OTOP3: variants seen among roughly 807,000 people sequenced by gnomAD.
OTOP3 encodes the protein proton channel OTOP3.
A neutral mutation model predicts 50.8 loss-of-function variants in OTOP3; 41 were observed. That is an observed-to-expected ratio of 0.81 (90% CI 0.63 to 1.05). OTOP3 has a LOEUF of 1.05. Ranked by LOEUF, OTOP3 falls within the 50% of genes least tolerant of loss-of-function variation. The probability of loss-of-function intolerance (pLI) is 0.00; values close to 1 mark genes in which losing one functional copy is unlikely to be tolerated. For synonymous variants in OTOP3, 320 were observed against 324.4 expected (o/e 0.99, Z 0.14); for missense variants, 788 against 760.8 (o/e 1.04, Z -0.42).
At chr17:74,939,614 G>T (rs2039151154) in intron 1 of OTOP3, among the ~76,000 whole-genome samples, 1 of 152,154 alleles carries the variant, frequency 6.6e-6, no homozygotes, top group South Asian at 2.1e-4. Flanking sequence ...TTAGCAAGTG[G>T]TGACAAAGTG....
chr17:74,943,757 GAAAC>G (rs772246397), intron 5 of OTOP3, 33 bp downstream of exon 5: 2 of 1,293,670 alleles, frequency 1.5e-6, no homozygotes, highest in Non-Finnish European at 2.2e-6. Flanking sequence ...TCCTTGCCCT[GAAAC>G]ACACACACAC....
rs149116416 is a variant in OTOP3, at chr17:74,947,402, C to G, written c.1493C>G (p.Ser498Cys). The change falls in exon 6 of 7, where the codon TCC becomes TGC. Residue 498 changes from serine (S) to cysteine (C), a missense_variant. Coordinates refer to ENST00000328801, the MANE Select transcript of OTOP3 (RefSeq NM_001272005.2). The stretch of plus-strand genomic sequence containing the variant: ...CGGGCCTCACTGGCCTACATCCACT[C>G]CTACAGCCACCTCAACTGGAAGCGG... ...LQRASLAYIH[S>C]YSHLNWKRRA... 3.7e-6 allele frequency: 6 copies of G among 1,612,744 alleles called. No individual in the cohort carries two copies. The African/African-American group carries it at 8.0e-5, about 22-fold the overall frequency.
chr17:74,949,739 A>G lies in OTOP3; in HGVS notation c.*323A>G, dbSNP rs1401764774. ...CACGGCTACTCTGTGGGAGGGTCAG[A>G]CCTACATGACCGAGTCTGGGGAGCT... On this transcript the variant is annotated 3_prime_UTR_variant, in exon 7 of 7. Transcript: ENST00000328801. 4 of 289,624 alleles carry G rather than the reference A, an allele frequency of 1.4e-5. No homozygotes were observed. Among genetic ancestry groups the G allele is most frequent in the Non-Finnish European group, 2.6e-5 (4 of 155,088 alleles). 17.9% of individuals were successfully genotyped at this position (289,624 alleles called of 1,614,324 possible). A position where few individuals can be genotyped will look rare whatever the true frequency, so the allele number is the denominator to read the frequency against.
rs533820359 is a variant in OTOP3 at position 74,949,549 on chromosome 17, C to T, written c.*133C>T. 6.8e-5 allele frequency: 72 copies of T among 1,057,152 alleles called. No homozygotes were observed. The East Asian group carries it at 1.5e-3, about 23-fold the overall frequency. The allele number at this position is 1,057,152 out of a possible 1,614,324, so 65.5% of individuals were successfully genotyped here. On this transcript the variant is annotated 3_prime_UTR_variant, in exon 7 of 7. Transcript: ENST00000328801. Reference sequence around the variant, plus strand: ...CTCAAGGCCTCCTGCTCCCCAGAGCCTCACTGAAGGGGAGGGCACTGCCTA... The same window carrying T: ...CTCAAGGCCTCCTGCTCCCCAGAGCTTCACTGAAGGGGAGGGCACTGCCTA...
chr17:74,937,785 C>T (rs1009268652), intron 1 of OTOP3, among the ~76,000 whole-genome samples: 1 of 152,124 alleles, frequency 6.6e-6, no homozygotes, highest in Non-Finnish European at 1.5e-5. Flanking sequence ...GGAGGAGTTT[C>T]AGGACTTAAT....
At position 74,949,256 on chromosome 17, in the gene OTOP3, T is replaced by C; in HGVS notation, c.1577T>C (p.Met526Thr). 1 of 1,613,978 alleles carries C rather than the reference T, an allele frequency of 6.2e-7. No homozygotes were observed. The highest frequency in any genetic ancestry group is 1.7e-4 in the Middle Eastern group (1 of 6,058). The change falls in exon 7 of 7, where the codon ATG (methionine) becomes ACG (threonine). Residue 526 changes from methionine to threonine, a missense_variant. Transcript: ENST00000328801. ...LILCNITLWM[M>T]PAFGIHPEFE... ...CATCCTCTTCCCCAGCTGTGGATGA[T>C]GCCTGCATTTGGCATACACCCGGAG...
chr17:74,947,512 T>C (rs765845275), intron 6 of OTOP3, 37 bp downstream of exon 6: 2 of 1,523,992 alleles, frequency 1.3e-6, no homozygotes, highest in South Asian at 1.3e-5. Flanking sequence ...AGGGTAGAGG[T>C]GGCCAGGCAG....
rs1416410566 is a variant in OTOP3, at chr17:74,947,194, A to T, written c.1285A>T (p.Asn429Tyr). ...IVAKRPHELL[N>Y]RLILAYSLLL... is the part of the protein sequence containing the mutation. ...GGCCAAGCGCCCGCATGAGCTGCTC[A>T]ACCGCCTCATCCTGGCCTACTCGCT... Residue 429 changes from asparagine (N) to tyrosine (Y), a missense_variant, in exon 6 of 7, where the codon AAC becomes TAC. Physicochemically the swap from Asn to Tyr is moderately radical, Grantham distance 143. Transcript: ENST00000328801. 2 of 1,613,956 alleles carry T rather than the reference A, an allele frequency of 1.2e-6. No homozygotes were observed. Among genetic ancestry groups the T allele is most frequent in the South Asian group, 2.2e-5 (2 of 91,088 alleles).
At chr17:74,935,830 C>A (rs868024185), upstream of OTOP3, 4 of 1,524,236 alleles carry the variant, frequency 2.6e-6, no homozygotes, top group Non-Finnish European at 3.5e-6. Context: ...GCGGCGGCTG[C>A]GCAGTCCCGC....
At chr17:74,943,149 AAGC>A (rs2039193461) in intron 3 of OTOP3, 134 bp from the exon 4 acceptor site, 1 of 785,170 alleles carries the variant, frequency 1.3e-6, no homozygotes, top group Non-Finnish European at 2.2e-6. Flanking sequence ...ACACAGCAAG[AAGC>A]AGTAGAGCCA....
Position 74,946,970 on chromosome 17 carries a change from T to G in OTOP3, c.1061T>G (p.Phe354Cys), listed in dbSNP as rs2039232673. The G allele has an allele frequency of 6.2e-7, 1 of 1,613,642 alleles. No homozygotes were observed. The highest frequency in any genetic ancestry group is 1.7e-4 in the Middle Eastern group (1 of 6,060). The change falls in exon 6 of 7, where the codon TTC becomes TGC. Residue 354 changes from phenylalanine to cysteine, a missense_variant. Physicochemically the swap from Phe to Cys is radical, Grantham distance 205. Coordinates refer to ENST00000328801, the MANE Select transcript of OTOP3 (RefSeq NM_001272005.2). ...ASGPAIACQYFTLYYAFYVAV... is the reference protein window; with the variant it reads ...ASGPAIACQYCTLYYAFYVAV... ...GGCCCTGCCATTGCTTGCCAGTACT[T>G]CACCCTCTACTATGCCTTCTATGTG...
At chr17:74,944,931 CT>C (rs2039211291) in intron 5 of OTOP3, among the ~76,000 whole-genome samples, 1 of 151,994 alleles carries the variant, frequency 6.6e-6, no homozygotes, top group Non-Finnish European at 1.5e-5. Flanking sequence ...CAGCATGCAT[CT>C]TTTTTTCTTC....
rs542105886 is a variant in OTOP3 at position 74,941,679 on chromosome 17, C to T, written c.306C>T (p.Asp102=). Residue 102 remains aspartate, a synonymous_variant, in exon 2 of 7, where the codon GAC becomes GAT. Coordinates refer to ENST00000328801, the MANE Select transcript of OTOP3 (RefSeq NM_001272005.2). ...ACAAGGTGGCCGTCACTCTGGGTGA[C>T]GTGTGGATCCTGCTGGCCACGCTGA... The part of the protein sequence containing the change: ...IFNKVAVTLG[D]VWILLATLKV... The T allele has an allele frequency of 4.6e-5, 75 of 1,614,142 alleles. No homozygotes were observed. Among genetic ancestry groups the T allele is most frequent in the South Asian group, 4.2e-4 (38 of 91,086 alleles).
rs115951881 is a variant in OTOP3, at chr17:74,941,953, G to A, written c.489G>A (p.Val163=). ...SCTFCLNIFR[V]GYDVSHIRCK... ...CCTTCTGCCTCAACATCTTCCGAGT[G>A]GGCTACGATGTGAGCCACATCCGCT... Residue 163 remains valine, a synonymous_variant, in exon 3 of 7, where the codon GTG becomes GTA. Coordinates refer to ENST00000328801, the MANE Select transcript of OTOP3 (RefSeq NM_001272005.2). 3,492 of 1,613,294 alleles carry A rather than the reference G, an allele frequency of 2.2e-3. 78 individuals carry two copies. The African/African-American group carries it at 0.039, about 18-fold the overall frequency.
chr17:74,942,853 G>C (rs2039190626), intron 3 of OTOP3, among the ~76,000 whole-genome samples: 1 of 150,684 alleles, frequency 6.6e-6, no homozygotes, highest in Non-Finnish European at 1.5e-5. Context: ...GCTGAGGCAG[G>C]AGAATGGTGT....
In OTOP3 at chr17:74,946,985, C is replaced by T. The variant is rs772389426; in HGVS notation, c.1076C>T (p.Ala359Val). The T allele has an allele frequency of 1.2e-6, 2 of 1,613,802 alleles. No homozygotes were observed. Among genetic ancestry groups the T allele is most frequent in the Non-Finnish European group, 1.7e-6 (2 of 1,180,046 alleles). The part of the protein sequence containing the change: ...IACQYFTLYY[A>V]FYVAVLPTMS... ...TGCCAGTACTTCACCCTCTACTATG[C>T]CTTCTATGTGGCTGTGCTGCCCACC... is the stretch of plus-strand genomic sequence containing the variant. Residue 359 changes from alanine (A) to valine (V), a missense_variant, in exon 6 of 7, where the codon GCC (alanine) becomes GTC (valine). Physicochemically the swap from Ala to Val is moderately conservative, Grantham distance 64. Coordinates refer to ENST00000328801, the MANE Select transcript of OTOP3 (RefSeq NM_001272005.2).
chr17:74,941,631 C>T lies in OTOP3; in HGVS notation c.258C>T (p.Ala86=), dbSNP rs1344633319. 2.5e-6 allele frequency: 4 copies of T among 1,613,964 alleles called. No homozygotes were observed. In the Admixed American group the frequency reaches 5.0e-5, roughly 20 times the overall value. The part of the protein sequence containing the change: ...LALNVVFLGG[A]FICSMIFNKV... ...TGAATGTGGTGTTCCTGGGTGGCGC[C>T]TTCATCTGCAGCATGATCTTCAACA... Residue 86 remains alanine (A), a synonymous_variant, in exon 2 of 7, where the codon GCC becomes GCT. Coordinates refer to ENST00000328801, the MANE Select transcript of OTOP3 (RefSeq NM_001272005.2).
chr17:74,939,385 C>G (rs2039149084), intron 1 of OTOP3, among the ~76,000 whole-genome samples: 1 of 152,054 alleles, frequency 6.6e-6, no homozygotes, highest in Admixed American at 6.6e-5. Context: ...GCTCAGAGCA[C>G]AAGGGCAGCA....
chr17:74,938,870 G>A (rs1323027180), intron 1 of OTOP3, among the ~76,000 whole-genome samples: 1 of 152,000 alleles, frequency 6.6e-6, no homozygotes, highest in Non-Finnish European at 1.5e-5. Context: ...TAGTGGTTGA[G>A]GTCAAGAAAA....
Sources: gnomAD v4.1 joint callset for allele counts (sites outside exome capture counted in the v4.1 genomes callset) on GRCh38, gnomAD v4.1.1 for gene constraint, MANE v1.5 for transcripts, NCBI Gene and HGNC (gene_info 2026-07-23, HGNC 2026-07-21) for gene names.